NAA16: variants seen among roughly 807,000 people sequenced by gnomAD.
NAA16 encodes N-alpha-acetyltransferase 16, NatA auxiliary subunit.
In NAA16, 97 loss-of-function variants were observed where a neutral mutation model predicts 110.3. The observed-to-expected ratio is 0.88, with a 90% CI of 0.75 to 1.04. The LOEUF (loss-of-function observed/expected upper bound fraction) is 1.04. Ranked by LOEUF, NAA16 falls within the 50% of genes least tolerant of loss-of-function variation. NAA16 has a pLI of 0.00. For synonymous variants in NAA16, 372 were observed against 330.6 expected, an observed-to-expected ratio of 1.13 and a Z score of -1.36; for missense variants, 1,017 against 1,005.1, an observed-to-expected ratio of 1.01 and a Z score of -0.16.
rs754723175 is a variant in NAA16, at chr13:41,358,365, C to T, written c.1149C>T (p.His383=). 6.2e-7 allele frequency: 1 copy of T among 1,613,962 alleles called. No homozygotes were observed. The highest frequency in any genetic ancestry group is 1.1e-5 in the South Asian group (1 of 91,076). Reference sequence around the variant, plus strand: ...GGGTTCAGTATTTCCTGGCACAGCACTTTGATAAACTTGGACAGTATTCTT... The same window carrying T: ...GGGTTCAGTATTTCCTGGCACAGCATTTTGATAAACTTGGACAGTATTCTT... ...LLWVQYFLAQ[H]FDKLGQYSLA... The change falls in exon 11 of 20, where the codon CAC becomes CAT. Residue 383 remains histidine (H), a synonymous_variant. Transcript: ENST00000379406.
At chr13:41,316,801 A>G (rs754249987) in intron 1 of NAA16, 45 bp from the exon 2 acceptor site, 6 of 1,285,600 alleles carry the variant, frequency 4.7e-6, no homozygotes, top group Non-Finnish European at 6.8e-6. Flanking sequence ...TTGCTCCATT[A>G]TGTATTCATT....
At chr13:41,323,035 A>G in intron 4 of NAA16, 21 bp from the exon 5 acceptor site, 1 of 1,610,142 alleles carries the variant, frequency 6.2e-7, no homozygotes, top group East Asian at 2.2e-5. Flanking sequence ...AATATTTAGC[A>G]AGTTAAAACT....
In NAA16 at chr13:41,372,269, A is replaced by ATCTGTTAGCAT. The variant is rs778964994; in HGVS notation, c.2015_2016insCTGTTAGCATT (p.Asp673CysfsTer2). 1 of 1,601,906 alleles carries ATCTGTTAGCAT rather than the reference A, an allele frequency of 6.2e-7. No individual in the cohort carries two copies. The highest frequency in any genetic ancestry group is 8.5e-7 in the Non-Finnish European group (1 of 1,175,166). On this transcript the variant is annotated stop_gained and frameshift_variant, in exon 16 of 20. Transcript: ENST00000379406. LOFTEE classifies it high-confidence loss of function. The stretch of plus-strand genomic sequence containing the variant: ...TCTTAAGAACCTTGTTGCTGATAAC[A>ATCTGTTAGCAT]TTGACACTCATCTGTTAGCATTTGA...
intron 15 of NAA16, among the ~76,000 whole-genome samples, chr13:41,370,869 T>G (rs1593532580): frequency 6.6e-6 from 1 of 152,154 alleles, no homozygotes; most frequent in Non-Finnish European, 1.5e-5. Flanking sequence ...AGAACCCCAG[T>G]AGAACATTAT....
intron 13 of NAA16, chr13:41,363,006 G>A: frequency 3.4e-6 from 2 of 588,440 alleles, no homozygotes; most frequent in Non-Finnish European, 4.4e-6. Context: ...TTATACCCAA[G>A]CATTTTTAGA....
rs760245694 is a variant in NAA16 at position 41,375,560 on chromosome 13, G to A, written c.2553G>A (p.Leu851=). The A allele has an allele frequency of 6.2e-7, 1 of 1,613,976 alleles. No homozygotes were observed. Among genetic ancestry groups the A allele is most frequent in the Non-Finnish European group, 8.5e-7 (1 of 1,179,936 alleles). Residue 851 remains leucine, a synonymous_variant, in exon 20 of 20, where the codon CTG becomes CTA. Coordinates refer to ENST00000379406, the MANE Select transcript of NAA16 (RefSeq NM_024561.5). ...AAGTCGACAATCCTAATGTGGCACT[G>A]AACCATACAGCTAATTATGATGTCT... is the stretch of plus-strand genomic sequence containing the variant. ...VNEVDNPNVA[L]NHTANYDVLA...
At chr13:41,321,944 C>T (rs931617768) in intron 4 of NAA16, among the ~76,000 whole-genome samples, 3 of 152,206 alleles carry the variant, frequency 2.0e-5, no homozygotes, top group African/African-American at 7.2e-5. Context: ...AATGGCACCA[C>T]TCTTCAAAGC....
intron 5 of NAA16, among the ~76,000 whole-genome samples, chr13:41,323,553 C>T (rs984943976): frequency 7.9e-5 from 12 of 151,730 alleles, no homozygotes; most frequent in Admixed American, 3.3e-4. Context: ...AGGGTTTCAC[C>T]GTGTTAGCCA....
At chr13:41,352,009 A>G (rs1433598588) in intron 9 of NAA16, among the ~76,000 whole-genome samples, 1 of 152,240 alleles carries the variant, frequency 6.6e-6, no homozygotes, top group Non-Finnish European at 1.5e-5. Context: ...TAACTTTCAT[A>G]GAAAATTTAG....
intron 19 of NAA16, 47 bp downstream of exon 19, chr13:41,374,886 C>T (rs755776958): frequency 1.8e-6 from 2 of 1,126,244 alleles, no homozygotes; most frequent in South Asian, 2.7e-5. Flanking sequence ...AGTGATCTAA[C>T]AAAACGTGTC....
intron 14 of NAA16, 32 bp downstream of exon 14, chr13:41,367,684 A>G (rs764719555): frequency 2.1e-6 from 3 of 1,439,064 alleles, no homozygotes; most frequent in South Asian, 2.5e-5. Context: ...AGATTTTAAA[A>G]GGACACTAAA....
At chr13:41,332,989 A>G (rs2042280847) in intron 8 of NAA16, among the ~76,000 whole-genome samples, 1 of 152,118 alleles carries the variant, frequency 6.6e-6, no homozygotes, top group African/African-American at 2.4e-5. Flanking sequence ...TTTCCAGGGA[A>G]CATTAAGTCC....
intron 9 of NAA16, among the ~76,000 whole-genome samples, chr13:41,341,884 T>C (rs1566270446): frequency 6.7e-6 from 1 of 149,576 alleles, no homozygotes; most frequent in Non-Finnish European, 1.5e-5. Flanking sequence ...CAGGCTGGAG[T>C]GCAGTGGCGC....
chr13:41,316,236 TC>T (rs2041805468), intron 1 of NAA16, among the ~76,000 whole-genome samples: 1 of 151,942 alleles, frequency 6.6e-6, no homozygotes, highest in Non-Finnish European at 1.5e-5. Context: ...TTCAGGTGAT[TC>T]TCCTGCCTCA....
At chr13:41,316,981 G>A (rs755734779) in intron 2 of NAA16, 51 bp downstream of exon 2, 2 of 1,225,674 alleles carry the variant, frequency 1.6e-6, no homozygotes, top group South Asian at 2.4e-5. Flanking sequence ...TCTAAAACCA[G>A]GCATTAACAG....
intron 9 of NAA16, among the ~76,000 whole-genome samples, chr13:41,343,357 T>G (rs1193386594): frequency 6.6e-6 from 1 of 152,194 alleles, no homozygotes; most frequent in Non-Finnish European, 1.5e-5. Context: ...CCCAGTGCAC[T>G]GCGATTACAG....
At chr13:41,332,317 T>C (rs1423298702) in intron 8 of NAA16, among the ~76,000 whole-genome samples, 1 of 152,224 alleles carries the variant, frequency 6.6e-6, no homozygotes, top group Non-Finnish European at 1.5e-5. Flanking sequence ...GCCATTACTT[T>C]TATTTTTAGA....
At position 41,369,220 on chromosome 13, in the gene NAA16, A is replaced by AGAT; in HGVS notation, c.1887_1889dup (p.Asp629dup). ...AACAGAAAAATCAAAAGAAAAAAAG[A>AGAT]GATGAAGAAGAAGAAGAAGCCAGTG... On this transcript the variant is annotated inframe_insertion, in exon 15 of 20. Transcript: ENST00000379406. The AGAT allele has an allele frequency of 6.3e-7, 1 of 1,595,728 alleles. No individual in the cohort carries two copies. The highest frequency in any genetic ancestry group is 8.5e-7 in the Non-Finnish European group (1 of 1,174,318).
chr13:41,314,580 T>G (rs977894348), intron 1 of NAA16, among the ~76,000 whole-genome samples: 1 of 152,218 alleles, frequency 6.6e-6, no homozygotes, highest in Non-Finnish European at 1.5e-5. Context: ...ATCCAGCCCC[T>G]GCTGCAAGGC....
Sources: gnomAD v4.1 joint callset for allele counts (sites outside exome capture counted in the v4.1 genomes callset) on GRCh38, gnomAD v4.1.1 for gene constraint, MANE v1.5 for transcripts, NCBI Gene and HGNC (gene_info 2026-07-23, HGNC 2026-07-21) for gene names.